Variants in PCGF6 observed in about 807,000 individuals in gnomAD.
The protein encoded by PCGF6 is polycomb group ring finger 6.
A neutral mutation model predicts 45.5 loss-of-function variants in PCGF6; 24 were observed. The observed-to-expected ratio is 0.53, with a 90% CI of 0.38 to 0.74. PCGF6 has a LOEUF of 0.74. Ranked by LOEUF, PCGF6 falls within the 30% of genes least tolerant of loss-of-function variation. PCGF6 has a pLI of 0.00. For missense variants in PCGF6, 356 were observed against 443.2 expected, an observed-to-expected ratio of 0.80 and a Z score of 1.77; for synonymous variants, 152 against 162.1, an observed-to-expected ratio of 0.94 and a Z score of 0.47.
At chr10:103,317,987 A>G (rs2093182418) in intron 8 of PCGF6, among the ~76,000 whole-genome samples, 1 of 150,524 alleles carries the variant, frequency 6.6e-6, no homozygotes, top group Non-Finnish European at 1.5e-5. Flanking sequence ...GAACTCCCGA[A>G]CTCAGGCAAT....
rs560964660 is a variant in PCGF6, at chr10:103,306,323, C to T, written c.997-2362G>A. Among the ~76,000 whole-genome samples the T allele has an allele frequency of 3.4e-4, 51 of 152,158 alleles. 1 individual carries two copies. In the South Asian group the frequency reaches 8.7e-3, roughly 26 times the overall value. On this transcript the variant is annotated intron_variant, in intron 9 of 9. Transcript: ENST00000369847. Reference sequence around the variant, plus strand: ...ATGTTGGTCAGGCTGGTCTTGAACTCGCGACCTCAGGTGATCCGCCCGCCT... The same window carrying T: ...ATGTTGGTCAGGCTGGTCTTGAACTTGCGACCTCAGGTGATCCGCCCGCCT...
At chr10:103,319,946 TACA>T (rs1405891022) in intron 8 of PCGF6, among the ~76,000 whole-genome samples, 1 of 152,080 alleles carries the variant, frequency 6.6e-6, no homozygotes, top group Non-Finnish European at 1.5e-5. Flanking sequence ...GCTGGGACTA[TACA>T]GGTGCATACC....
At chr10:103,314,451 C>A (rs753921253) in intron 8 of PCGF6, among the ~76,000 whole-genome samples, 179 bp from the exon 9 acceptor site, 1 of 152,128 alleles carries the variant, frequency 6.6e-6, no homozygotes, top group Non-Finnish European at 1.5e-5. Flanking sequence ...AATAAGGTAA[C>A]ATGGGAAGAG....
At chr10:103,315,462 C>G (rs1482589320) in intron 8 of PCGF6, among the ~76,000 whole-genome samples, 1 of 152,152 alleles carries the variant, frequency 6.6e-6, no homozygotes, top group Non-Finnish European at 1.5e-5. Flanking sequence ...TGGGTTCACG[C>G]CATTCCCCTG....
intron 7 of PCGF6, among the ~76,000 whole-genome samples, chr10:103,332,432 T>G (rs1158682698): frequency 2.0e-5 from 3 of 152,126 alleles, no homozygotes; most frequent in Non-Finnish European, 2.9e-5. Flanking sequence ...CATGCCAACA[T>G]GCAGAGCTAA....
chr10:103,343,271 A>G (rs574291100), intron 6 of PCGF6, among the ~76,000 whole-genome samples: 47 of 151,868 alleles, frequency 3.1e-4, no homozygotes, highest in Middle Eastern at 3.4e-3. Flanking sequence ...GTGGATATAC[A>G]AGGAGATAAA....
intron 7 of PCGF6, among the ~76,000 whole-genome samples, chr10:103,330,596 A>G (rs2093236447): frequency 6.6e-6 from 1 of 152,180 alleles, no homozygotes; most frequent in Admixed American, 6.6e-5. Flanking sequence ...TTTTGCAACC[A>G]TCACTGCTAT....
At chr10:103,331,917 C>CG (rs2093241344) in intron 7 of PCGF6, among the ~76,000 whole-genome samples, 2 of 152,166 alleles carry the variant, frequency 1.3e-5, no homozygotes, top group African/African-American at 4.8e-5. Flanking sequence ...CTCAGCCTCC[C>CG]GGGTAGCTGG....
chr10:103,350,599 C>G, intron 1 of PCGF6, 108 bp downstream of exon 1: 2 of 1,182,128 alleles, frequency 1.7e-6, no homozygotes, highest in Non-Finnish European at 1.1e-6. Context: ...CTCCAGTGCT[C>G]CGCGCGGCGG....
intron 3 of PCGF6, 27 bp downstream of exon 3, chr10:103,348,689 C>T (rs373634981): frequency 3.6e-5 from 51 of 1,417,790 alleles, no homozygotes; most frequent in Non-Finnish European, 4.7e-5. Flanking sequence ...ATTTAAAATA[C>T]AATTGTAATT....
At chr10:103,324,183 C>A (rs1477725492) in intron 8 of PCGF6, among the ~76,000 whole-genome samples, 4 of 152,016 alleles carry the variant, frequency 2.6e-5, no homozygotes, top group Non-Finnish European at 2.9e-5. Flanking sequence ...AAATGATCCA[C>A]CTGCCTTGGC....
In PCGF6 at chr10:103,303,095, A is replaced by G. The variant is rs1054443515; in HGVS notation, c.*810T>C. ...ATTAAACTGACTTACTAAGAAAACA[A>G]TGAATAAGTAATTCTGTAAACTTCT... On this transcript the variant is annotated 3_prime_UTR_variant, in exon 10 of 10. Coordinates refer to ENST00000369847, the MANE Select transcript of PCGF6 (RefSeq NM_001011663.2). The G allele has an allele frequency of 1.4e-4, 21 of 152,652 alleles. No individual in the cohort carries two copies. Among genetic ancestry groups the G allele is most frequent in the Admixed American group, 4.6e-4 (7 of 15,272 alleles). The allele number at this position is 152,652 out of a possible 1,614,324, so 9.5% of individuals were successfully genotyped here.
At chr10:103,331,533 C>T (rs1250998020) in intron 7 of PCGF6, among the ~76,000 whole-genome samples, 1 of 152,198 alleles carries the variant, frequency 6.6e-6, no homozygotes, top group Non-Finnish European at 1.5e-5. Context: ...GCTAGGATTA[C>T]AGGCATGACC....
In PCGF6 at chr10:103,350,808, C is replaced by G. The variant is rs369763488; in HGVS notation, c.259G>C (p.Glu87Gln). ...TCTTCTTCCTCCTCCAGCTCCTCTT[C>G]TTCTTCCAACTCCTCGTCCTCGTCC... ...FEDEDEELEEEEELEEEEEEE... is the reference protein window; with the variant it reads ...FEDEDEELEEQEELEEEEEEE... The change falls in exon 1 of 10, where the codon GAA (glutamate) becomes CAA (glutamine). Residue 87 changes from glutamate to glutamine, a missense_variant. Glu to Gln is a conservative substitution (Grantham distance 29, BLOSUM62 2). This residue lies in a region of PCGF6 where 307 missense variants were observed against 350.1 expected (regional missense o/e 0.88). Transcript: ENST00000369847. 3.7e-5 allele frequency: 57 copies of G among 1,552,978 alleles called. No individual in the cohort carries two copies. Among genetic ancestry groups the G allele is most frequent in the Non-Finnish European group, 4.8e-5 (55 of 1,148,700 alleles).
At chr10:103,309,658 T>C (rs2093149550) in intron 9 of PCGF6, among the ~76,000 whole-genome samples, 1 of 152,148 alleles carries the variant, frequency 6.6e-6, no homozygotes, top group Non-Finnish European at 1.5e-5. Flanking sequence ...AGTTCAGGCA[T>C]GGTGGCTCAC....
intron 7 of PCGF6, among the ~76,000 whole-genome samples, chr10:103,329,064 G>T (rs2093230164): frequency 6.9e-6 from 1 of 145,034 alleles, no homozygotes; most frequent in Non-Finnish European, 1.5e-5. Context: ...TTTTGAGATG[G>T]AGTCTCGCTC....
chr10:103,343,436 G>A (rs975762708), intron 6 of PCGF6, among the ~76,000 whole-genome samples: 6 of 152,046 alleles, frequency 3.9e-5, no homozygotes, highest in Admixed American at 6.6e-5. Flanking sequence ...CCAGTTAAGC[G>A]TTTGAAAACT....
At chr10:103,337,425 A>G (rs2093261020) in intron 6 of PCGF6, among the ~76,000 whole-genome samples, 1 of 152,190 alleles carries the variant, frequency 6.6e-6, no homozygotes, top group Non-Finnish European at 1.5e-5. Context: ...TCTTACAACA[A>G]TCCTTTGAGT....
At chr10:103,338,791 C>T (rs539084063) in intron 6 of PCGF6, among the ~76,000 whole-genome samples, 18 of 151,966 alleles carry the variant, frequency 1.2e-4, no homozygotes, top group South Asian at 6.2e-4. Context: ...TCGCTTGAAC[C>T]CTAGAGGCAG....
Sources: gnomAD v4.1 joint callset for allele counts (sites outside exome capture counted in the v4.1 genomes callset) on GRCh38, gnomAD v4.1.1 for gene constraint, gnomAD v4.1.1 regional missense constraint, MANE v1.5 for transcripts, NCBI Gene and HGNC (gene_info 2026-07-23, HGNC 2026-07-21) for gene names.